The following SLC4A4 variants were observed in gnomAD, a reference collection of about 807,000 sequenced individuals.
The protein encoded by SLC4A4 is electrogenic sodium bicarbonate cotransporter 1.
In SLC4A4, 27 loss-of-function variants were observed where a neutral mutation model predicts 111.5. The observed-to-expected ratio is 0.24, with a 90% CI of 0.18 to 0.33. The LOEUF is 0.33. Ranked by LOEUF, SLC4A4 falls within the 10% of genes least tolerant of loss-of-function variation. The pLI is 1.00. For synonymous variants in SLC4A4, 443 were observed against 463.4 expected (o/e 0.96, Z 0.57); for missense variants, 909 against 1,315.5 (o/e 0.69, Z 4.78).
In SLC4A4 at chr4:71,336,717, C is replaced by T. The variant is rs184564767; in HGVS notation, c.254-2653C>T. Among the ~76,000 whole-genome samples the T allele has an allele frequency of 2.4e-3, 361 of 152,290 alleles. 4 individuals are homozygous for T. The highest frequency in any genetic ancestry group is 8.2e-3 in the African/African-American group (340 of 41,560). On this transcript the variant is annotated intron_variant, in intron 3 of 25. Transcript: ENST00000264485. ...TGAAGTTTTTAGCCAGTATCACTTT[C>T]TCTAGGACATCATCATCCTTTTCAT...
intron 2 of SLC4A4, among the ~76,000 whole-genome samples, chr4:71,134,015 G>T (rs1013744612): frequency 1.3e-5 from 2 of 152,126 alleles, no homozygotes; most frequent in African/African-American, 4.8e-5. Context: ...TGAATGCATT[G>T]AGGTATACGG....
chr4:71,561,011 C>A (rs1443394681), intron 23 of SLC4A4, among the ~76,000 whole-genome samples: 1 of 151,778 alleles, frequency 6.6e-6, no homozygotes, highest in East Asian at 1.9e-4. Context: ...TACTTTAACA[C>A]ATGCGGACAC....
At chr4:71,433,351 A>G (rs932422551) in intron 7 of SLC4A4, among the ~76,000 whole-genome samples, 1 of 151,304 alleles carries the variant, frequency 6.6e-6, no homozygotes, top group African/African-American at 2.4e-5. Flanking sequence ...TGTGATTTGG[A>G]TATTGTCTCT....
intron 6 of SLC4A4, among the ~76,000 whole-genome samples, chr4:71,389,122 A>G (rs1719034985): frequency 6.6e-6 from 1 of 152,210 alleles, no homozygotes; most frequent in African/African-American, 2.4e-5. Flanking sequence ...GTAGATAACA[A>G]AGGTCCCAAA....
At chr4:71,395,660 T>C (rs1719754187) in intron 6 of SLC4A4, among the ~76,000 whole-genome samples, 1 of 152,222 alleles carries the variant, frequency 6.6e-6, no homozygotes. Context: ...TTGCAGCAGT[T>C]AGGACAGTGC....
intron 15 of SLC4A4, among the ~76,000 whole-genome samples, chr4:71,490,349 A>C (rs1356238904): frequency 6.6e-6 from 1 of 151,806 alleles, no homozygotes; most frequent in Non-Finnish European, 1.5e-5. Context: ...TTTTAAATTG[A>C]GGCATACCTT....
chr4:71,096,442 C>A (rs1344085171), intron 2 of SLC4A4, among the ~76,000 whole-genome samples: 1 of 152,032 alleles, frequency 6.6e-6, no homozygotes, highest in Admixed American at 6.6e-5. Flanking sequence ...GACGGTGAAT[C>A]GCAGAAGTGA....
At chr4:71,140,042 C>T (rs1743953162) in intron 2 of SLC4A4, among the ~76,000 whole-genome samples, 1 of 152,154 alleles carries the variant, frequency 6.6e-6, no homozygotes, top group Non-Finnish European at 1.5e-5. Flanking sequence ...TTTCTCTTTC[C>T]AGCTTCTCCC....
intron 1 of SLC4A4, among the ~76,000 whole-genome samples, chr4:71,232,508 A>G (rs1409867409): frequency 3.3e-5 from 5 of 152,070 alleles, no homozygotes; most frequent in Non-Finnish European, 5.9e-5. Context: ...AACTTCTGGG[A>G]TCAAGCAGTC....
intron 2 of SLC4A4, among the ~76,000 whole-genome samples, chr4:71,239,277 G>A (rs1720022184): frequency 6.6e-6 from 1 of 152,100 alleles, no homozygotes; most frequent in Non-Finnish European, 1.5e-5. Context: ...ATAAAACTTT[G>A]TTTTTTACAG....
intron 16 of SLC4A4, among the ~76,000 whole-genome samples, chr4:71,527,144 C>G (rs529197334): frequency 3.1e-4 from 47 of 152,158 alleles, no homozygotes; most frequent in African/African-American, 1.1e-3. Context: ...AATCTGCTTA[C>G]CACAGTATCT....
At chr4:71,260,332 TTGATTTTTAAAA>T (rs1721763682) in intron 3 of SLC4A4, among the ~76,000 whole-genome samples, 1 of 152,222 alleles carries the variant, frequency 6.6e-6, no homozygotes, top group African/African-American at 2.4e-5. Flanking sequence ...GTACTTTTTC[TTGATTTTTAAAA>T]TGTTTTCAGG....
intron 3 of SLC4A4, among the ~76,000 whole-genome samples, chr4:71,264,069 T>C (rs937365923): frequency 2.6e-5 from 4 of 152,120 alleles, no homozygotes; most frequent in African/African-American, 9.7e-5. Flanking sequence ...TGCGGAGTTT[T>C]TTTTACATGG....
intron 2 of SLC4A4, among the ~76,000 whole-genome samples, chr4:71,096,237 G>C (rs1337756206): frequency 6.6e-6 from 1 of 152,126 alleles, no homozygotes; most frequent in African/African-American, 2.4e-5. Flanking sequence ...TAAATTCTCT[G>C]CATAGGGTGG....
intron 6 of SLC4A4, among the ~76,000 whole-genome samples, chr4:71,369,502 G>T (rs911644374): frequency 1.3e-5 from 2 of 152,108 alleles, no homozygotes; most frequent in East Asian, 3.9e-4. Context: ...AGGACTGGGA[G>T]GAAGGTCACT....
chr4:71,178,726 C>T (rs1489486635), intron 2 of SLC4A4, among the ~76,000 whole-genome samples: 1 of 151,904 alleles, frequency 6.6e-6, no homozygotes, highest in African/African-American at 2.4e-5. Flanking sequence ...GCTTACCAAC[C>T]AAAAAAGTCC....
intron 1 of SLC4A4, among the ~76,000 whole-genome samples, chr4:71,194,712 C>CAAT (rs1560772186): frequency 3.3e-5 from 5 of 152,150 alleles, no homozygotes; most frequent in African/African-American, 7.2e-5. Flanking sequence ...TTTTTAGCTT[C>CAAT]TATAATTAGA....
intron 1 of SLC4A4, among the ~76,000 whole-genome samples, chr4:71,085,510 G>C (rs1742136352): frequency 6.6e-6 from 1 of 152,002 alleles, no homozygotes; most frequent in South Asian, 2.1e-4. Context: ...TATTGCCTAG[G>C]TTTTCTTCTA....
At chr4:71,319,589 T>C (rs1265623571) in intron 3 of SLC4A4, among the ~76,000 whole-genome samples, 2 of 151,992 alleles carry the variant, frequency 1.3e-5, no homozygotes, top group South Asian at 2.1e-4. Flanking sequence ...GTATTGAAAA[T>C]TTGTTGGTAT....
Sources: allele counts gnomAD v4.1 joint callset (sites outside exome capture counted in the v4.1 genomes callset), GRCh38; gene constraint gnomAD v4.1.1; transcripts MANE v1.5; gene names NCBI Gene and HGNC (gene_info 2026-07-23, HGNC 2026-07-21).